Variants in EMG1 observed in about 807,000 individuals in gnomAD.
EMG1 encodes the protein EMG1 N1-specific pseudouridine methyltransferase, also known as ribosomal RNA small subunit methyltransferase NEP1.
In EMG1, 24 loss-of-function variants were observed where a neutral mutation model predicts 26.9. The observed-to-expected ratio is 0.89, with a 90% CI of 0.65 to 1.26. EMG1 has a LOEUF of 1.26. EMG1 is among the 50% of genes most tolerant of loss of function. The pLI is 0.00. For synonymous variants in EMG1, 140 were observed against 112.6 expected, an observed-to-expected ratio of 1.24 and a Z score of -1.54; for missense variants, 299 against 307.6, an observed-to-expected ratio of 0.97 and a Z score of 0.21.
At position 6,974,587 on chromosome 12, in the gene EMG1, A is replaced by T; in HGVS notation, c.306A>T (p.Arg102=). Residue 102 remains arginine (R), a synonymous_variant, in exon 3 of 6, where the codon CGA becomes CGT. Coordinates refer to ENST00000599672, the MANE Select transcript of EMG1 (RefSeq NM_006331.8). The stretch of plus-strand genomic sequence containing the variant: ...TGCTGATGGATAGTCCCCTGAACCG[A>T]GCTGGCTTGCTACAGGTTTATATCC... The part of the protein sequence containing the change: ...LLMLMDSPLN[R]AGLLQVYIHT... The T allele has an allele frequency of 6.2e-7, 1 of 1,613,932 alleles. No individual in the cohort carries two copies.
chr12:6,977,525 C>A lies in EMG1; in HGVS notation c.*1716C>A. 6.2e-7 allele frequency: 1 copy of A among 1,614,138 alleles called. No individual in the cohort carries two copies. The highest frequency in any genetic ancestry group is 1.7e-5 in the Admixed American group (1 of 60,018). On this transcript the variant is annotated 3_prime_UTR_variant, in exon 6 of 6. Transcript: ENST00000599672. The surrounding 1 kb of genome is among the most constrained non-coding windows in gnomAD (Gnocchi z 4.5). ...GGGCTCTCTTGAATGAGCCTGGCAG[C>A]CTGGGGAGGGAGGAGGAGCTCATCA...
chr12:6,988,657 C>T (rs1946553302), downstream of EMG1, among the ~76,000 whole-genome samples: 1 of 152,198 alleles, frequency 6.6e-6, no homozygotes, highest in Admixed American at 6.5e-5. Context: ...TTCCGTGGGT[C>T]TGAGTGGGAA....
downstream of EMG1, among the ~76,000 whole-genome samples, chr12:6,980,473 A>T (rs1270494237): frequency 1.3e-5 from 2 of 151,974 alleles, no homozygotes; most frequent in African/African-American, 4.8e-5. Context: ...CTCCCACTTC[A>T]GCCTCCTATG....
chr12:6,992,726 A>G (rs1946600455), downstream of EMG1, among the ~76,000 whole-genome samples: 1 of 151,952 alleles, frequency 6.6e-6, no homozygotes, highest in South Asian at 2.1e-4. Flanking sequence ...TGTGTTTTCA[A>G]TCTTTTTGAA....
intron 7 of EMG1, among the ~76,000 whole-genome samples, chr12:6,994,995 C>G (rs1218086400): frequency 6.6e-6 from 1 of 152,140 alleles, no homozygotes; most frequent in African/African-American, 2.4e-5. Flanking sequence ...ATCTTTAGTT[C>G]TAACTTCTTT....
In EMG1 at chr12:6,974,369, G is replaced by A. The variant is rs1946367333; in HGVS notation, c.199G>A (p.Asp67Asn). The A allele has an allele frequency of 2.5e-6, 4 of 1,613,466 alleles. No homozygotes were observed. The African/African-American group carries it at 5.3e-5, about 22-fold the overall frequency. ...GAAGACATATGAGCTACTCAACTGTGACAAGCACAAGTCTATATTGTTGAA... is the reference window on the plus strand; with the variant it reads ...GAAGACATATGAGCTACTCAACTGTAACAAGCACAAGTCTATATTGTTGAA... ...VGKTYELLNC[D>N]KHKSILLKNG... is the part of the protein sequence containing the mutation. The change falls in exon 2 of 6, where the codon GAC becomes AAC. Residue 67 changes from aspartate (D) to asparagine (N), a missense_variant. Coordinates refer to ENST00000599672, the MANE Select transcript of EMG1 (RefSeq NM_006331.8).
chr12:6,974,588 G>T lies in EMG1; in HGVS notation c.307G>T (p.Ala103Ser). ...GCTGATGGATAGTCCCCTGAACCGA[G>T]CTGGCTTGCTACAGGTTTATATCCA... The part of the protein sequence containing the change: ...LMLMDSPLNR[A>S]GLLQVYIHTQ... The change falls in exon 3 of 6, where the codon GCT becomes TCT. Residue 103 changes from alanine to serine, a missense_variant. Transcript: ENST00000599672. The T allele has an allele frequency of 3.1e-6, 5 of 1,614,000 alleles. No individual in the cohort carries two copies. The highest frequency in any genetic ancestry group is 4.2e-6 in the Non-Finnish European group (5 of 1,179,900).
At chr12:6,981,716 T>C, downstream of EMG1, 1 of 1,321,340 alleles carries the variant, frequency 7.6e-7, no homozygotes, top group Non-Finnish European at 1.1e-6. Flanking sequence ...GCCAGAAGTG[T>C]ATGGCGGGGG....
chr12:6,980,121 C>T (rs1266084017), downstream of EMG1, among the ~76,000 whole-genome samples: 1 of 150,574 alleles, frequency 6.6e-6, no homozygotes, highest in African/African-American at 2.5e-5. Context: ...AGTCATTGCT[C>T]GCTGTGGCCT....
In EMG1 at chr12:6,974,683, T is replaced by A; in HGVS notation, c.402T>A (p.Cys134Ter). Reference protein sequence around the residue: ...TRIPRTFDRFCGLMVQLLHKL... With the variant: ...TRIPRTFDRF ...TTCCCAGAACCTTTGACCGCTTTTG[T>A]GGCCTCATGGGTAAGAAGCCTTAGA... Residue 134 changes from cysteine (C) to a stop codon, truncating the protein, a stop_gained, in exon 3 of 6, where the codon TGT (cysteine) becomes TGA (stop). Transcript: ENST00000599672. LOFTEE classifies it high-confidence loss of function. 2.5e-6 allele frequency: 4 copies of A among 1,613,906 alleles called. No homozygotes were observed. The highest frequency in any genetic ancestry group is 3.4e-6 in the Non-Finnish European group (4 of 1,179,882).
downstream of EMG1, chr12:6,982,984 T>G (rs1267331951): frequency 3.1e-6 from 2 of 641,612 alleles, no homozygotes; most frequent in African/African-American, 1.8e-5. Flanking sequence ...TCTTTTCTTT[T>G]TTTGTTTGTT....
At position 6,996,817 on chromosome 12, in the gene EMG1, C is replaced by T. The variant is rs782057608; in HGVS notation, c.*212-408C>T. On this transcript the variant is annotated intron_variant and NMD_transcript_variant, in intron 7 of 7. Transcript: ENST00000607161. ...AGAAATCAATCTCGACCACAGTGGT[C>T]GGGAGAAGTAGTTCTTGAACAGAGA... Among the ~76,000 whole-genome samples, 4 of 152,188 alleles carry T rather than the reference C, an allele frequency of 2.6e-5. No individual in the cohort carries two copies. In the East Asian group the frequency reaches 5.8e-4, roughly 22 times the overall value.
downstream of EMG1, among the ~76,000 whole-genome samples, chr12:6,989,676 G>C (rs371250421): frequency 6.6e-6 from 1 of 152,150 alleles, no homozygotes; most frequent in African/African-American, 2.4e-5. Context: ...GTCAAGCACA[G>C]GGAGTGGATA....
At chr12:6,984,345 C>T (rs777399067), downstream of EMG1, among the ~76,000 whole-genome samples, 87 of 152,176 alleles carry the variant, frequency 5.7e-4, no homozygotes, top group Non-Finnish European at 8.8e-4. Flanking sequence ...GAATTAAAAA[C>T]GGTCAATAAA....
chr12:6,986,463 T>A (rs1344832950), intron 6 of EMG1, among the ~76,000 whole-genome samples: 1 of 152,182 alleles, frequency 6.6e-6, no homozygotes, highest in Non-Finnish European at 1.5e-5. Context: ...GTAAGTCTTC[T>A]ATTAGTAGTT....
chr12:6,988,506 G>A (rs1946551265), downstream of EMG1: 1 of 152,198 alleles, frequency 6.6e-6, no homozygotes, highest in South Asian at 2.1e-4. Context: ...TTTAGGGAGG[G>A]TGTGACCCTA....
intron 7 of EMG1, chr12:6,988,070 A>G (rs1555155005): frequency 8.9e-6 from 3 of 337,514 alleles, no homozygotes; most frequent in East Asian, 4.4e-5. Context: ...AAGATTTAAG[A>G]CAAAAGCAAG....
intron 1 of EMG1, among the ~76,000 whole-genome samples, chr12:6,971,696 T>TG (rs1946331555): frequency 6.6e-6 from 1 of 152,240 alleles, no homozygotes; most frequent in African/African-American, 2.4e-5. Context: ...TTTCGTTCCT[T>TG]GCGTCATTCC....
At chr12:6,982,571 G>T, downstream of EMG1, 1 of 800,598 alleles carries the variant, frequency 1.2e-6, no homozygotes, top group Non-Finnish European at 2.1e-6. Context: ...TGGGAGAGGG[G>T]TTAGAAATTA....
Sources: gnomAD v4.1 joint callset for allele counts (sites outside exome capture counted in the v4.1 genomes callset) on GRCh38, gnomAD v4.1.1 for gene constraint, Gnocchi (gnomAD v3.1) non-coding constraint, MANE v1.5 for transcripts, NCBI Gene and HGNC (gene_info 2026-07-23, HGNC 2026-07-21) for gene names.